SH3D19: variants seen among roughly 807,000 people sequenced by gnomAD.
SH3D19 encodes SH3 domain containing 19.
Under a neutral mutation model 112.1 loss-of-function variants are expected in SH3D19, and 58 were observed. The ratio of observed to expected loss-of-function variants is 0.52; its 90% CI spans 0.42 to 0.64. The LOEUF is 0.64. Ranked by LOEUF, SH3D19 falls within the 30% of genes least tolerant of loss-of-function variation. SH3D19 has a pLI of 0.00. For missense variants in SH3D19, 1,090 were observed against 1,263.4 expected (o/e 0.86, Z 2.08); for synonymous variants, 391 against 448.5 (o/e 0.87, Z 1.62).
intron 3 of SH3D19, among the ~76,000 whole-genome samples, chr4:151,180,615 C>T (rs1258768645): frequency 6.6e-6 from 1 of 151,316 alleles, no homozygotes; most frequent in African/African-American, 2.4e-5. Context: ...ACCGTGTTAG[C>T]CAGGATGGTC....
At chr4:151,167,524 T>C (rs1758250652) in intron 7 of SH3D19, among the ~76,000 whole-genome samples, 1 of 152,142 alleles carries the variant, frequency 6.6e-6, no homozygotes, top group African/African-American at 2.4e-5. Flanking sequence ...AGGATCATTT[T>C]ATATCAATTT....
At chr4:151,295,437 T>C (rs1775636109) in intron 1 of SH3D19, among the ~76,000 whole-genome samples, 1 of 152,242 alleles carries the variant, frequency 6.6e-6, no homozygotes, top group Non-Finnish European at 1.5e-5. Context: ...CCGTCCCCTA[T>C]TCTTTATCTG....
intron 1 of SH3D19, chr4:151,227,686 T>A (rs1391196373): frequency 2.2e-6 from 2 of 924,290 alleles, no homozygotes; most frequent in Admixed American, 6.2e-5. Context: ...AAAAATGAAG[T>A]ATAATGTCTC....
intron 7 of SH3D19, among the ~76,000 whole-genome samples, chr4:151,171,564 GAACAAGCA>G (rs1213541790): frequency 6.6e-6 from 1 of 152,130 alleles, no homozygotes; most frequent in Non-Finnish European, 1.5e-5. Flanking sequence ...ACCTGCTGGT[GAACAAGCA>G]GAGGCCTCTT....
rs1759457799 is a variant in SH3D19, at chr4:151,173,722, T to C, written c.1534+948A>G. Reference sequence around the variant, plus strand: ...AATAATGTGTATGTTTGTTTTCATTTTAAACACACCTGTGCTATGCAGAAT... The same window carrying C: ...AATAATGTGTATGTTTGTTTTCATTCTAAACACACCTGTGCTATGCAGAAT... On this transcript the variant is annotated intron_variant, in intron 7 of 19. Coordinates refer to ENST00000604030, the MANE Select transcript of SH3D19 (RefSeq NM_001378122.1). Among the ~76,000 whole-genome samples, 4 of 152,258 alleles carry C rather than the reference T, an allele frequency of 2.6e-5. No individual in the cohort carries two copies. In the South Asian group the frequency reaches 6.2e-4, roughly 24 times the overall value.
At chr4:151,309,349 C>T (rs1729218874) in intron 1 of SH3D19, among the ~76,000 whole-genome samples, 2 of 152,088 alleles carry the variant, frequency 1.3e-5, no homozygotes, top group East Asian at 1.9e-4. Context: ...GACTATAAAA[C>T]GATACAGGAG....
At chr4:151,125,439 C>T (rs1748992236) in intron 19 of SH3D19, among the ~76,000 whole-genome samples, 1 of 145,344 alleles carries the variant, frequency 6.9e-6, no homozygotes, top group African/African-American at 2.5e-5. Context: ...GCACCTCAGC[C>T]TGGGCAACAG....
At chr4:151,286,982 A>AAT (rs1554067296) in intron 1 of SH3D19, among the ~76,000 whole-genome samples, 5 of 141,838 alleles carry the variant, frequency 3.5e-5, no homozygotes, top group East Asian at 2.1e-4. Context: ...TCTGTCTCAA[A>AAT]AATAATAATA....
chr4:151,236,094 C>T (rs1382161074), intron 1 of SH3D19, among the ~76,000 whole-genome samples: 1 of 152,266 alleles, frequency 6.6e-6, no homozygotes, highest in East Asian at 1.9e-4. Context: ...AACGTGCTAG[C>T]AGCCCTCGTT....
intron 1 of SH3D19, chr4:151,227,865 ATCT>A (rs943167872): frequency 2.7e-5 from 27 of 985,198 alleles, no homozygotes; most frequent in Non-Finnish European, 3.0e-5. Context: ...TTCCCCACTA[ATCT>A]TCCTAGTGGT....
chr4:151,194,817 G>A (rs942366262), intron 2 of SH3D19, among the ~76,000 whole-genome samples: 2 of 151,950 alleles, frequency 1.3e-5, no homozygotes, highest in Non-Finnish European at 2.9e-5. Flanking sequence ...TGGGCATGGA[G>A]GCTCACACCT....
intron 3 of SH3D19, among the ~76,000 whole-genome samples, chr4:151,184,193 C>T (rs2149843461): frequency 6.6e-6 from 1 of 152,290 alleles, no homozygotes; most frequent in East Asian, 1.9e-4. Context: ...GAACCGGAAT[C>T]ATTATGAAAT....
At chr4:151,158,888 AT>A (rs2149795615) in intron 9 of SH3D19, among the ~76,000 whole-genome samples, 1 of 152,256 alleles carries the variant, frequency 6.6e-6, no homozygotes, top group African/African-American at 2.4e-5. Context: ...CTAGTTGGGT[AT>A]TTTAAATAAA....
intron 9 of SH3D19, among the ~76,000 whole-genome samples, chr4:151,151,264 CA>C (rs995765024): frequency 6.6e-6 from 1 of 152,102 alleles, no homozygotes; most frequent in African/African-American, 2.4e-5. Context: ...CCCAGTCCCT[CA>C]ATAAATTCTT....
At chr4:151,214,141 C>T (rs1006012697) in intron 2 of SH3D19, among the ~76,000 whole-genome samples, 1 of 151,568 alleles carries the variant, frequency 6.6e-6, no homozygotes, top group African/African-American at 2.4e-5. Context: ...CCATTTAACC[C>T]TGAGTGGACA....
chr4:151,185,360 C>A (rs1370156970), intron 3 of SH3D19, among the ~76,000 whole-genome samples: 3 of 152,082 alleles, frequency 2.0e-5, no homozygotes, highest in Admixed American at 6.6e-5. Flanking sequence ...AAGATTCTAT[C>A]CCTTCTCATC....
chr4:151,310,301 T>C (rs998345270), intron 1 of SH3D19, among the ~76,000 whole-genome samples: 3 of 151,182 alleles, frequency 2.0e-5, no homozygotes, highest in African/African-American at 7.3e-5. Context: ...TTGAGCCTAG[T>C]GGTTTAAGGC....
intron 1 of SH3D19, among the ~76,000 whole-genome samples, chr4:151,302,745 T>C (rs1728558359): frequency 6.6e-6 from 1 of 151,998 alleles, no homozygotes; most frequent in African/African-American, 2.4e-5. Context: ...AGCGGGCTAG[T>C]GGGAGGCTGA....
intron 1 of SH3D19, among the ~76,000 whole-genome samples, chr4:151,254,668 C>G (rs1370369719): frequency 1.9e-4 from 28 of 150,676 alleles, no homozygotes; most frequent in African/African-American, 6.8e-4. Flanking sequence ...GATCCCAAGG[C>G]AGAAGAAGTT....
Sources: gnomAD v4.1 joint callset for allele counts (sites outside exome capture counted in the v4.1 genomes callset) on GRCh38, gnomAD v4.1.1 for gene constraint, MANE v1.5 for transcripts, NCBI Gene and HGNC (gene_info 2026-07-23, HGNC 2026-07-21) for gene names.